The following CCPG1 variants were observed in gnomAD, a reference collection of about 807,000 sequenced individuals.
The protein encoded by CCPG1 is cell cycle progression protein 1.
A neutral mutation model predicts 81.3 loss-of-function variants in CCPG1; 46 were observed. That is an observed-to-expected ratio of 0.57 (90% CI 0.45 to 0.72). The LOEUF is 0.72. CCPG1 is among the 30% of genes least tolerant of loss of function. The pLI is 0.00. For synonymous variants in CCPG1, 330 were observed against 305.2 expected (o/e 1.08, Z -0.85); for missense variants, 902 against 937.6 (o/e 0.96, Z 0.50).
chr15:55,378,830 C>G (rs12901121), intron 3 of CCPG1, among the ~76,000 whole-genome samples: 1 of 152,142 alleles, frequency 6.6e-6, no homozygotes, highest in Non-Finnish European at 1.5e-5. Flanking sequence ...CTCCTGACTT[C>G]AAGCGATCCG....
chr15:55,388,040 A>C (rs909766500), intron 2 of CCPG1, among the ~76,000 whole-genome samples: 1 of 151,788 alleles, frequency 6.6e-6, no homozygotes, highest in Admixed American at 6.6e-5. Context: ...AATCCCAGCT[A>C]CTCCAGAGGC....
chr15:55,407,079 T>G (rs999246153), intron 1 of CCPG1, among the ~76,000 whole-genome samples: 1 of 140,674 alleles, frequency 7.1e-6, no homozygotes, highest in East Asian at 2.0e-4. Flanking sequence ...AATACAAAAT[T>G]TAGCTGGGCG....
intron 8 of CCPG1, 23 bp from the exon 9 acceptor site, chr15:55,356,432 T>C (rs2056077610): frequency 4.7e-6 from 7 of 1,478,812 alleles, no homozygotes; most frequent in Non-Finnish European, 6.3e-6. Flanking sequence ...AACACATTTT[T>C]CATCTATGTT....
intron 6 of CCPG1, among the ~76,000 whole-genome samples, chr15:55,368,954 A>C (rs1312639074): frequency 6.6e-6 from 1 of 151,948 alleles, no homozygotes; most frequent in African/African-American, 2.4e-5. Flanking sequence ...TCTTCTAAAA[A>C]TACAAAAAGT....
At chr15:55,392,028 TAAAAAAAAAA>T (rs71437812) in intron 1 of CCPG1, among the ~76,000 whole-genome samples, 1 of 103,938 alleles carries the variant, frequency 9.6e-6, no homozygotes, top group Non-Finnish European at 2.1e-5. Context: ...TTCTGATTCC[TAAAAAAAAAA>T]AAAAAAAATC....
At chr15:55,388,054 G>A (rs1191984711) in intron 2 of CCPG1, among the ~76,000 whole-genome samples, 1 of 152,016 alleles carries the variant, frequency 6.6e-6, no homozygotes, top group Non-Finnish European at 1.5e-5. Context: ...CAGAGGCTGA[G>A]GCAGGAGAAT....
chr15:55,377,027 C>G lies in CCPG1; in HGVS notation c.376G>C (p.Glu126Gln). Residue 126 changes from glutamate to glutamine, a missense_variant, in exon 5 of 9, where the codon GAA (glutamate) becomes CAA (glutamine). Glu to Gln is a conservative substitution (Grantham distance 29). Transcript: ENST00000442196. ...AAGTCTTCTGAACTCTGTGCTTCTT[C>G]AACAATGACAACTTCTTGATTTCCA... is the stretch of plus-strand genomic sequence containing the variant. ...EIGNQEVVIVEEAQSSEDFNM... is the reference protein window; with the variant it reads ...EIGNQEVVIVQEAQSSEDFNM... The G allele has an allele frequency of 6.2e-7, 1 of 1,613,900 alleles. No homozygotes were observed.
chr15:55,383,777 CTT>C (rs1342515355), intron 3 of CCPG1, among the ~76,000 whole-genome samples: 1 of 152,204 alleles, frequency 6.6e-6, no homozygotes, highest in Admixed American at 6.5e-5. Flanking sequence ...CTTAACCACT[CTT>C]AGCCTTCATA....
chr15:55,382,259 A>G (rs2056713625), intron 3 of CCPG1, among the ~76,000 whole-genome samples: 1 of 152,174 alleles, frequency 6.6e-6, no homozygotes, highest in Non-Finnish European at 1.5e-5. Context: ...GTTTGATAGC[A>G]CTTTGCCCAC....
intron 6 of CCPG1, 38 bp from the exon 7 acceptor site, chr15:55,365,347 A>G (rs1566968471): frequency 8.4e-7 from 1 of 1,195,464 alleles, no homozygotes. Flanking sequence ...TGTAACAAAA[A>G]TATTATCATT....
At chr15:55,404,778 T>C (rs1595871433) in intron 1 of CCPG1, among the ~76,000 whole-genome samples, 1 of 151,986 alleles carries the variant, frequency 6.6e-6, no homozygotes, top group East Asian at 1.9e-4. Flanking sequence ...CTACATAAAA[T>C]TTTAAAATTA....
At chr15:55,398,225 A>G (rs2057059592) in intron 1 of CCPG1, 1 of 152,190 alleles carries the variant, frequency 6.6e-6, no homozygotes, top group Admixed American at 6.5e-5. Flanking sequence ...ATTACCTGAT[A>G]TGATGGTGCC....
chr15:55,400,504 T>C (rs892253937), intron 1 of CCPG1, among the ~76,000 whole-genome samples: 4 of 151,704 alleles, frequency 2.6e-5, no homozygotes, highest in Non-Finnish European at 5.9e-5. Context: ...CCAGACTCCA[T>C]CTCAAAAATA....
rs61200003 is a variant in CCPG1 at position 55,391,887 on chromosome 15, A to AGGGG, written c.-9-2458_-9-2455dup. 4.2e-3 allele frequency among the ~76,000 whole-genome samples: 187 copies of AGGGG among 44,500 alleles called. 3 individuals are homozygous for AGGGG. Among genetic ancestry groups the AGGGG allele is most frequent in the East Asian group, 0.02 (8 of 406 alleles). The allele number at this position is 44,500 out of a possible 152,430, so 29.2% of individuals were successfully genotyped here. The stretch of plus-strand genomic sequence containing the variant: ...CTTGACTCTTTAAAAAAAAAAAAAA[A>AGGGG]GGGGGGGGGGGGCTAGGTGTGGTAG... On this transcript the variant is annotated intron_variant, in intron 1 of 8. Coordinates refer to ENST00000442196, the MANE Select transcript of CCPG1 (RefSeq NM_001204450.2).
chr15:55,359,416 G>A, intron 8 of CCPG1, 123 bp downstream of exon 8: 1 of 1,443,102 alleles, frequency 6.9e-7, no homozygotes, highest in Non-Finnish European at 9.1e-7. Context: ...AATTCTCTCA[G>A]TGGCCATAAA....
At chr15:55,382,203 G>C (rs1393040416) in intron 3 of CCPG1, among the ~76,000 whole-genome samples, 1 of 152,038 alleles carries the variant, frequency 6.6e-6, no homozygotes, top group African/African-American at 2.4e-5. Flanking sequence ...TTCCCACATG[G>C]ATTGACTCTC....
intron 5 of CCPG1, chr15:55,374,165 G>T (rs542461616): frequency 1.6e-6 from 2 of 1,288,760 alleles, no homozygotes; most frequent in East Asian, 5.5e-5. Flanking sequence ...CTTGGAAAGC[G>T]AGTTGGCTAG....
intron 6 of CCPG1, among the ~76,000 whole-genome samples, chr15:55,369,433 G>C (rs1009273347): frequency 6.6e-6 from 1 of 151,992 alleles, no homozygotes; most frequent in Non-Finnish European, 1.5e-5. Context: ...TACTCGGGAG[G>C]CTGAGGCAGG....
rs1333116546 is a variant in CCPG1 at position 55,396,034 on chromosome 15, G to A, written c.-9-6601C>T. Among the ~76,000 whole-genome samples the A allele has an allele frequency of 8.6e-5, 13 of 151,774 alleles. No homozygotes were observed. In the South Asian group the frequency reaches 2.7e-3, roughly 31 times the overall value. ...TCGGGCATGCTGGCGTGCGCCTGTA[G>A]TCTCAGCTACTCAGGAGCCTGAGTC... On this transcript the variant is annotated intron_variant, in intron 1 of 8. Coordinates refer to ENST00000442196, the MANE Select transcript of CCPG1 (RefSeq NM_001204450.2).
Sources: gnomAD v4.1 joint callset for allele counts (sites outside exome capture counted in the v4.1 genomes callset) on GRCh38, gnomAD v4.1.1 for gene constraint, MANE v1.5 for transcripts, NCBI Gene and HGNC (gene_info 2026-07-23, HGNC 2026-07-21) for gene names.